YPEL1: variants seen among roughly 807,000 people sequenced by gnomAD.
The protein encoded by YPEL1 is protein yippee-like 1.
YPEL1 carries 7 observed loss-of-function variants against 17.3 expected under a neutral mutation model. The ratio of observed to expected loss-of-function variants is 0.40; its 90% CI spans 0.23 to 0.76. YPEL1 has a LOEUF of 0.76. Among genes scored for constraint, YPEL1 ranks in the 30% least tolerant of loss-of-function variants. The pLI is 0.35. For synonymous variants in YPEL1, 59 were observed against 59.6 expected, an observed-to-expected ratio of 0.99 and a Z score of 0.05; for missense variants, 91 against 155.5, an observed-to-expected ratio of 0.59 and a Z score of 2.21.
At chr22:21,731,559 G>C (rs1391634216) in intron 1 of YPEL1, among the ~76,000 whole-genome samples, 3 of 146,416 alleles carry the variant, frequency 2.0e-5, no homozygotes, top group South Asian at 4.3e-4. Flanking sequence ...AAAAAAAACA[G>C]ATACACAAAG....
At chr22:21,728,418 G>A (rs1001843724) in intron 1 of YPEL1, among the ~76,000 whole-genome samples, 21 of 152,194 alleles carry the variant, frequency 1.4e-4, no homozygotes, top group Non-Finnish European at 2.6e-4. Flanking sequence ...GGCTCCCAGA[G>A]CCTTGGCAAG....
In YPEL1 at chr22:21,698,150, G is replaced by C. The variant is rs981257824; in HGVS notation, c.*2979C>G. The stretch of plus-strand genomic sequence containing the variant: ...GGTGGTGGATATGGTCCTGTGAATA[G>C]CACTTCCCCTGAAGCCAGCTCATGG... On this transcript the variant is annotated 3_prime_UTR_variant, in exon 5 of 5. Transcript: ENST00000339468. The C allele has an allele frequency of 6.6e-6, 1 of 151,656 alleles. No individual in the cohort carries two copies. Among genetic ancestry groups the C allele is most frequent in the African/African-American group, 2.4e-5 (1 of 41,182 alleles). 9.4% of individuals were successfully genotyped at this position (151,656 alleles called of 1,614,324 possible). A position where few individuals can be genotyped will look rare whatever the true frequency, so the allele number is the denominator to read the frequency against.
At chr22:21,704,658 G>GA (rs34942655) in intron 2 of YPEL1, among the ~76,000 whole-genome samples, 1,435 of 88,064 alleles carry the variant, frequency 0.016, 23 homozygotes, top group African/African-American at 0.043. Context: ...ACCCCGTCTC[G>GA]AAAAAAAAAA....
intron 2 of YPEL1, among the ~76,000 whole-genome samples, chr22:21,707,722 G>A (rs900429978): frequency 8.5e-5 from 13 of 152,178 alleles, no homozygotes; most frequent in Admixed American, 2.0e-4. Flanking sequence ...TTTAAATAGG[G>A]TTTGGCTCAG....
chr22:21,714,482 C>T (rs2148604920), intron 1 of YPEL1, among the ~76,000 whole-genome samples: 1 of 152,358 alleles, frequency 6.6e-6, no homozygotes, highest in East Asian at 1.9e-4. Flanking sequence ...AAGTCTGCCT[C>T]TGTCCCCATG....
chr22:21,703,955 G>T lies in YPEL1; in HGVS notation c.118-73C>A, dbSNP rs1041981806. 2 of 1,529,040 alleles carry T rather than the reference G, an allele frequency of 1.3e-6. No individual in the cohort carries two copies. The highest frequency in any genetic ancestry group is 2.8e-5 in the African/African-American group (2 of 72,608). 94.7% of individuals were successfully genotyped at this position (1,529,040 alleles called of 1,614,324 possible). On this transcript the variant is annotated intron_variant, in intron 2 of 4. Coordinates refer to ENST00000339468, the MANE Select transcript of YPEL1 (RefSeq NM_013313.5). The surrounding 1 kb of genome is among the most constrained non-coding windows in gnomAD (Gnocchi z 6.1). The stretch of plus-strand genomic sequence containing the variant: ...CGAAGCGGTGCTGCCCAGAACCAGG[G>T]GAGTCCAGCCCCGCGGCTGTTAGCT...
In YPEL1 at chr22:21,703,856, G is replaced by A; in HGVS notation, c.144C>T (p.Ala48=). 2 of 1,608,326 alleles carry A rather than the reference G, an allele frequency of 1.2e-6. No homozygotes were observed. Among genetic ancestry groups the A allele is most frequent in the East Asian group, 2.2e-5 (1 of 44,474 alleles). Reference sequence around the variant, plus strand: ...GTACTCACACGGAATTGAAGAGGTAGGCGCGTCCCTGGCTCCCCTGAAAGG... The same window carrying A: ...GTACTCACACGGAATTGAAGAGGTAAGCGCGTCCCTGGCTCCCCTGAAAGG... ...SKSFQGSQGR[A]YLFNSVVNVG... The change falls in exon 3 of 5, where the codon GCC becomes GCT. Residue 48 remains alanine, a synonymous_variant. Transcript: ENST00000339468. The surrounding 1 kb of genome is among the most constrained non-coding windows in gnomAD (Gnocchi z 6.1).
rs7285388 is a variant in YPEL1, at chr22:21,699,487, T to C, written c.*1642A>G. ...GTGGAGGGCAGGTGGATGAGTGGAT[T>C]GTAATTTATAATAAAATATATGGCA... On this transcript the variant is annotated 3_prime_UTR_variant, in exon 5 of 5. Coordinates refer to ENST00000339468, the MANE Select transcript of YPEL1 (RefSeq NM_013313.5). 50,713 of 152,138 alleles carry C rather than the reference T, an allele frequency of 0.33. 8,740 individuals carry two copies. The highest frequency in any genetic ancestry group is 0.38 in the Non-Finnish European group (26,003 of 67,952). 9.4% of individuals were successfully genotyped at this position (152,138 alleles called of 1,614,324 possible).
intron 2 of YPEL1, 48 bp downstream of exon 2, chr22:21,710,580 A>G (rs1256966610): frequency 4.1e-6 from 6 of 1,460,602 alleles, no homozygotes; most frequent in South Asian, 2.3e-5. Flanking sequence ...AGGTACCACA[A>G]TGACAGATAA....
Position 21,710,864 on chromosome 22 carries a change from G to T in YPEL1, c.-120C>A. On this transcript the variant is annotated 5_prime_UTR_variant, in exon 2 of 5. Coordinates refer to ENST00000339468, the MANE Select transcript of YPEL1 (RefSeq NM_013313.5). ...GCAAGAGCCGTCGTTGTCCAGGAGG[G>T]CGTGTGGCACTGTCCACACAGCTGG... is the stretch of plus-strand genomic sequence containing the variant. The T allele has an allele frequency of 1.1e-6, 1 of 875,804 alleles. No homozygotes were observed. The allele number at this position is 875,804 out of a possible 1,614,324, so 54.3% of individuals were successfully genotyped here.
intron 1 of YPEL1, among the ~76,000 whole-genome samples, chr22:21,718,357 T>G (rs1384514888): frequency 6.6e-6 from 1 of 151,418 alleles, no homozygotes; most frequent in Non-Finnish European, 1.5e-5. Context: ...CCCAGCTACT[T>G]GGGAGGCTGA....
chr22:21,724,329 G>A (rs1298859518), intron 1 of YPEL1, among the ~76,000 whole-genome samples: 1 of 152,134 alleles, frequency 6.6e-6, no homozygotes, highest in African/African-American at 2.4e-5. Context: ...ATGAGGTCAG[G>A]AGTTTGAGAC....
At chr22:21,711,116 T>C (rs1382892899) in intron 1 of YPEL1, among the ~76,000 whole-genome samples, 1 of 151,532 alleles carries the variant, frequency 6.6e-6, no homozygotes, top group Non-Finnish European at 1.5e-5. Flanking sequence ...CTCCTCCTCC[T>C]GGGTTCAAGC....
At position 21,699,741 on chromosome 22, in the gene YPEL1, T is replaced by C. The variant is rs967072075; in HGVS notation, c.*1388A>G. 1 of 152,778 alleles carries C rather than the reference T, an allele frequency of 6.5e-6. No individual in the cohort carries two copies. Among genetic ancestry groups the C allele is most frequent in the Admixed American group, 6.5e-5 (1 of 15,280 alleles). 9.5% of individuals were successfully genotyped at this position (152,778 alleles called of 1,614,324 possible). Reference sequence around the variant, plus strand: ...CTCTTTCATATGCAAAAATAATTCTTTTTCTTCAAGTACATCCAGGGTAGA... The same window carrying C: ...CTCTTTCATATGCAAAAATAATTCTCTTTCTTCAAGTACATCCAGGGTAGA... On this transcript the variant is annotated 3_prime_UTR_variant, in exon 5 of 5. Transcript: ENST00000339468.
intron 1 of YPEL1, among the ~76,000 whole-genome samples, chr22:21,732,946 C>CA (rs960662804): frequency 4.0e-5 from 6 of 151,626 alleles, no homozygotes; most frequent in African/African-American, 1.5e-4. Context: ...TCATATCTAC[C>CA]AAAAAAAATT....
intron 2 of YPEL1, among the ~76,000 whole-genome samples, chr22:21,707,285 C>A (rs555270917): frequency 6.6e-6 from 1 of 152,038 alleles, no homozygotes; most frequent in East Asian, 1.9e-4. Context: ...GGTGTGGTGG[C>A]GCACACCTGT....
rs956603357 is a variant in YPEL1 at position 21,700,970 on chromosome 22, C to T, written c.*159G>A. 3.4e-6 allele frequency: 2 copies of T among 591,352 alleles called. No homozygotes were observed. Among genetic ancestry groups the T allele is most frequent in the Admixed American group, 2.9e-5 (1 of 34,068 alleles). The allele number at this position is 591,352 out of a possible 1,614,324, so 36.6% of individuals were successfully genotyped here. On this transcript the variant is annotated 3_prime_UTR_variant, in exon 5 of 5. Coordinates refer to ENST00000339468, the MANE Select transcript of YPEL1 (RefSeq NM_013313.5). ...ACGAAGAGGACAGATCCGAGGGACA[C>T]CTTACCCACAGAGATGGCCGAGAGT...
chr22:21,722,055 GTCTT>G (rs879880066), intron 1 of YPEL1, among the ~76,000 whole-genome samples: 4 of 152,136 alleles, frequency 2.6e-5, no homozygotes, highest in Non-Finnish European at 4.4e-5. Context: ...GAATTCCCTT[GTCTT>G]TTTTTAAGGC....
chr22:21,704,020 C>A, intron 2 of YPEL1, 138 bp from the exon 3 acceptor site: 1 of 903,472 alleles, frequency 1.1e-6, no homozygotes, highest in South Asian at 1.4e-5. Flanking sequence ...CCGGCGTCCC[C>A]CCTCCAGAAC....
Sources: allele counts gnomAD v4.1 joint callset (sites outside exome capture counted in the v4.1 genomes callset), GRCh38; gene constraint gnomAD v4.1.1; non-coding constraint Gnocchi (gnomAD v3.1); transcripts MANE v1.5; gene names NCBI Gene and HGNC (gene_info 2026-07-23, HGNC 2026-07-21).